MICAL3: variants seen among roughly 807,000 people sequenced by gnomAD.
MICAL3 encodes the protein [F-actin]-monooxygenase MICAL3.
A neutral mutation model predicts 207.4 loss-of-function variants in MICAL3; 62 were observed. The ratio of observed to expected loss-of-function variants is 0.30; its 90% CI spans 0.24 to 0.37. The LOEUF (loss-of-function observed/expected upper bound fraction) is 0.37, where lower values mean the gene tolerates loss of function less well. Among genes scored for constraint, MICAL3 ranks in the 10% least tolerant of loss-of-function variants. The pLI, the probability that MICAL3 is intolerant of heterozygous loss-of-function variation, is 1.00. For missense variants in MICAL3, 2,368 were observed against 2,635.6 expected (o/e 0.90, Z 2.22); for synonymous variants, 1,077 against 1,069.3 (o/e 1.01, Z -0.14).
chr22:17,836,000 T>C (rs2146054641), intron 20 of MICAL3, among the ~76,000 whole-genome samples: 1 of 152,332 alleles, frequency 6.6e-6, no homozygotes, highest in African/African-American at 2.4e-5. Flanking sequence ...CATCAGAAGG[T>C]GCTGGCTATT....
intron 1 of MICAL3, among the ~76,000 whole-genome samples, chr22:17,968,652 C>A (rs1935262519): frequency 6.6e-6 from 1 of 152,088 alleles, no homozygotes; most frequent in African/African-American, 2.4e-5. Context: ...ATAATAATTA[C>A]CACAACCACT....
At chr22:17,968,282 G>A (rs1168160781) in intron 1 of MICAL3, among the ~76,000 whole-genome samples, 3 of 151,960 alleles carry the variant, frequency 2.0e-5, no homozygotes, top group South Asian at 2.1e-4. Flanking sequence ...GGAAGCGTTG[G>A]GGGAGGGAGA....
chr22:18,000,870 C>T (rs982035487), intron 1 of MICAL3, among the ~76,000 whole-genome samples: 1 of 152,188 alleles, frequency 6.6e-6, no homozygotes, highest in Non-Finnish European at 1.5e-5. Flanking sequence ...GACGGGGAGG[C>T]CCCGAGGGCC....
At chr22:17,800,576 C>T (rs921142768) in intron 29 of MICAL3, among the ~76,000 whole-genome samples, 1 of 152,164 alleles carries the variant, frequency 6.6e-6, no homozygotes, top group African/African-American at 2.4e-5. Flanking sequence ...CTGAGAGCCA[C>T]TGAAAGAGCC....
intron 1 of MICAL3, chr22:18,019,731 TC>T: frequency 4.8e-6 from 1 of 208,594 alleles, no homozygotes; most frequent in East Asian, 1.3e-4. Context: ...AAAAGGGTGA[TC>T]AGGGAAGCTT....
At chr22:17,886,148 C>A in intron 15 of MICAL3, 97 bp from the exon 16 acceptor site, 1 of 1,309,104 alleles carries the variant, frequency 7.6e-7, no homozygotes, top group Non-Finnish European at 1.1e-6. Context: ...GGCATGGGGG[C>A]TGGTGGACTG....
chr22:17,930,996 G>A (rs1166212385), intron 1 of MICAL3, among the ~76,000 whole-genome samples: 11 of 152,164 alleles, frequency 7.2e-5, no homozygotes, highest in African/African-American at 2.4e-5. Context: ...CCCCTCCTCC[G>A]GTGGCTCCAC....
intron 1 of MICAL3, among the ~76,000 whole-genome samples, chr22:17,940,262 A>T (rs182996218): frequency 1.5e-4 from 23 of 152,340 alleles, no homozygotes; most frequent in Admixed American, 1.4e-3. Context: ...TGATCCTGCC[A>T]GGTGCGGTGG....
intron 1 of MICAL3, among the ~76,000 whole-genome samples, chr22:17,973,668 C>T (rs1935516708): frequency 6.6e-6 from 1 of 152,182 alleles, no homozygotes; most frequent in African/African-American, 2.4e-5. Context: ...ATGGCTCACA[C>T]CTGAAATCCC....
At chr22:17,911,429 T>C (rs1025271889) in intron 1 of MICAL3, among the ~76,000 whole-genome samples, 2 of 152,130 alleles carry the variant, frequency 1.3e-5, no homozygotes, top group African/African-American at 2.4e-5. Context: ...CAATGCACCA[T>C]GAACACACCA....
Position 17,901,005 on chromosome 22 carries a change from G to A in MICAL3, c.692-8C>T, listed in dbSNP as rs767791461. The A allele has an allele frequency of 5.0e-6, 8 of 1,613,732 alleles. No individual in the cohort carries two copies. Among genetic ancestry groups the A allele is most frequent in the Middle Eastern group, 3.3e-4 (2 of 6,060 alleles). Reference sequence around the variant, plus strand: ...ATTCTTTCCGACGAAACCCTGGAGGGAAATAAATTTTCAGAGGTGATAATC... The same window carrying A: ...ATTCTTTCCGACGAAACCCTGGAGGAAAATAAATTTTCAGAGGTGATAATC... On this transcript the variant is annotated splice_region_variant and splice_polypyrimidine_tract_variant and intron_variant, in intron 5 of 31. Coordinates refer to ENST00000441493, the MANE Select transcript of MICAL3 (RefSeq NM_015241.3).
rs1569117768 is a variant in MICAL3, at chr22:17,889,196, T to C, written c.1729A>G (p.Lys577Glu). 1 of 1,612,686 alleles carries C rather than the reference T, an allele frequency of 6.2e-7. No individual in the cohort carries two copies. Among genetic ancestry groups the C allele is most frequent in the East Asian group, 2.2e-5 (1 of 44,838 alleles). The change falls in exon 13 of 32, where the codon AAG becomes GAG. Residue 577 changes from lysine to glutamate, a missense_variant. Around this residue, in one of 4 missense-constraint regions of MICAL3, gnomAD observed 51 missense variants for 87.8 expected, o/e 0.58. Coordinates refer to ENST00000441493, the MANE Select transcript of MICAL3 (RefSeq NM_015241.3). The part of the protein sequence containing the change: ...FDSLDEQNVE[K>E]NNQLAFDIAE... ...ATGTCAAAGGCCAGTTGGTTATTCT[T>C]CTCCACATTTTGCTCATCCAAAGAA...
At chr22:17,820,912 A>ATAAACATAAATTTTAAATTTATG (rs1569079892) in intron 25 of MICAL3, among the ~76,000 whole-genome samples, 1 of 83,118 alleles carries the variant, frequency 1.2e-5, no homozygotes, top group Non-Finnish European at 2.9e-5. Context: ...ATAAATTTAT[A>ATAAACATAAATTTTAAATTTATG]TTTATAAACA....
rs78158254 is a variant in MICAL3 at position 17,820,121 on chromosome 22, C to T, written c.3532-992G>A. On this transcript the variant is annotated intron_variant, in intron 25 of 31. Coordinates refer to ENST00000441493, the MANE Select transcript of MICAL3 (RefSeq NM_015241.3). ...GCACTATTGCCCATGCCAGTCTGGG[C>T]AAGAGACTGAGACCCTGTCTCAAAA... Among the ~76,000 whole-genome samples the T allele has an allele frequency of 2.9e-3, 400 of 138,216 alleles. 1 individual carries two copies. Among genetic ancestry groups the T allele is most frequent in the Non-Finnish European group, 4.5e-3 (295 of 65,114 alleles). The allele number at this position is 138,216 out of a possible 152,430, so 90.7% of individuals were successfully genotyped here. A position where few individuals can be genotyped will look rare whatever the true frequency, so the allele number is the denominator to read the frequency against.
At chr22:18,020,784 G>T (rs866882586) in intron 1 of MICAL3, among the ~76,000 whole-genome samples, 18 of 151,350 alleles carry the variant, frequency 1.2e-4, no homozygotes, top group Non-Finnish European at 2.2e-4. Flanking sequence ...TATGGTGGTG[G>T]GCACCTGTGG....
chr22:17,897,617 G>C (rs894059855), intron 7 of MICAL3, among the ~76,000 whole-genome samples: 8 of 151,984 alleles, frequency 5.3e-5, no homozygotes, highest in African/African-American at 1.9e-4. Context: ...GAACTGAAAG[G>C]GCATTTCATT....
intron 27 of MICAL3, chr22:17,812,698 A>G: frequency 3.8e-6 from 1 of 264,724 alleles, no homozygotes; most frequent in Non-Finnish European, 5.8e-6. Context: ...ACACGAGATT[A>G]TTTTTCACGA....
intron 1 of MICAL3, among the ~76,000 whole-genome samples, chr22:17,942,405 C>G (rs774430637): frequency 1.3e-5 from 2 of 152,166 alleles, no homozygotes; most frequent in Non-Finnish European, 2.9e-5. Context: ...CTGGTACCAC[C>G]TCCTGTCAGA....
intron 27 of MICAL3, chr22:17,815,731 G>C (rs12170625): frequency 6.6e-6 from 1 of 152,550 alleles, no homozygotes; most frequent in Non-Finnish European, 1.5e-5. Context: ...CAAGGGAGAC[G>C]AATGCACCAA....
Sources: allele counts gnomAD v4.1 joint callset (sites outside exome capture counted in the v4.1 genomes callset), GRCh38; gene constraint gnomAD v4.1.1; regional missense constraint gnomAD v4.1.1; transcripts MANE v1.5; gene names NCBI Gene and HGNC (gene_info 2026-07-23, HGNC 2026-07-21).